The following KLHL5 variants were observed in gnomAD, a reference collection of about 807,000 sequenced individuals.
KLHL5 encodes kelch like family member 5.
A neutral mutation model predicts 77.7 loss-of-function variants in KLHL5; 48 were observed. That is an observed-to-expected ratio of 0.62 (90% CI 0.49 to 0.79). The LOEUF (loss-of-function observed/expected upper bound fraction) is 0.79. Among genes scored for constraint, KLHL5 ranks in the 30% least tolerant of loss-of-function variants. The pLI is 0.00. For missense variants in KLHL5, 723 were observed against 859.7 expected, an observed-to-expected ratio of 0.84 and a Z score of 1.99; for synonymous variants, 260 against 297.0, an observed-to-expected ratio of 0.88 and a Z score of 1.28.
In KLHL5 at chr4:39,101,126, T is replaced by TTATA. The variant is rs60405643; in HGVS notation, c.1301-2143_1301-2140dup. On this transcript the variant is annotated intron_variant, in intron 6 of 10. Coordinates refer to ENST00000504108, the MANE Select transcript of KLHL5 (RefSeq NM_015990.5). ...TTTGTTAATTTTGGATATTTGGATT[T>TTATA]TATATATATATATATATATATCTAC... Among the ~76,000 whole-genome samples, 202 of 134,846 alleles carry TTATA rather than the reference T, an allele frequency of 1.5e-3. 3 individuals are homozygous for TTATA. The highest frequency in any genetic ancestry group is 5.0e-3 in the African/African-American group (178 of 35,914). 88.5% of individuals were successfully genotyped at this position (134,846 alleles called of 152,430 possible). A position where few individuals can be genotyped will look rare whatever the true frequency, so the allele number is the denominator to read the frequency against.
At position 39,049,036 on chromosome 4, in the gene KLHL5, G is replaced by A. The variant is rs982223475; in HGVS notation, c.-95+3940G>A. Among the ~76,000 whole-genome samples, 120 of 152,144 alleles carry A rather than the reference G, an allele frequency of 7.9e-4. 1 individual carries two copies. Among genetic ancestry groups the A allele is most frequent in the Non-Finnish European group, 1.9e-4 (13 of 68,032 alleles). On this transcript the variant is annotated intron_variant, in intron 1 of 11. Transcript: ENST00000261425. Reference sequence around the variant, plus strand: ...GTCACTTGACTACACCCAACTTCAAGGAGATGGGGAAATGCATTTCTACCA... The same window carrying A: ...GTCACTTGACTACACCCAACTTCAAAGAGATGGGGAAATGCATTTCTACCA...
In KLHL5 at chr4:39,122,527, G is replaced by A. The variant is rs115235909; in HGVS notation, c.*1461G>A. ...AGGTAGAAAAAGAAAGATTTCGGCC[G>A]GGCACAGTGGCTCACGCCTATAATT... is the stretch of plus-strand genomic sequence containing the variant. On this transcript the variant is annotated 3_prime_UTR_variant, in exon 11 of 11. Coordinates refer to ENST00000504108, the MANE Select transcript of KLHL5 (RefSeq NM_015990.5). Among the ~76,000 whole-genome samples, 2,698 of 152,170 alleles carry A rather than the reference G, an allele frequency of 0.018. 75 individuals are homozygous for A. The highest frequency in any genetic ancestry group is 0.062 in the African/African-American group (2,561 of 41,504).
At chr4:39,113,950 GA>G (rs1430453811) in intron 9 of KLHL5, among the ~76,000 whole-genome samples, 7 of 152,110 alleles carry the variant, frequency 4.6e-5, no homozygotes, top group Admixed American at 3.9e-4. Context: ...GGAAGTTAAT[GA>G]GTGCCCATGT....
At chr4:39,090,841 T>A (rs1720472217) in intron 5 of KLHL5, among the ~76,000 whole-genome samples, 1 of 151,940 alleles carries the variant, frequency 6.6e-6, no homozygotes, top group African/African-American at 2.4e-5. Flanking sequence ...CTCACTCTAT[T>A]TCCCAGGCTG....
intron 5 of KLHL5, among the ~76,000 whole-genome samples, chr4:39,096,250 T>C (rs957344966): frequency 2.6e-5 from 4 of 152,242 alleles, no homozygotes; most frequent in Admixed American, 6.5e-5. Context: ...CTGGTAACTT[T>C]TGTTTTTGCA....
rs117815937 is a variant in KLHL5, at chr4:39,057,073, C to T, written c.-94-5486C>T. ...CTGTAAATCCTCACCTCAAAAACCT[C>T]AACTTCAACCAAATAAAGGACATAC... is the stretch of plus-strand genomic sequence containing the variant. On this transcript the variant is annotated intron_variant, in intron 1 of 11. Transcript: ENST00000261425. 2.6e-5 allele frequency among the ~76,000 whole-genome samples: 4 copies of T among 152,324 alleles called. No homozygotes were observed. The East Asian group carries it at 7.7e-4, about 29-fold the overall frequency.
At chr4:39,068,418 A>C (rs1301114421) in intron 1 of KLHL5, among the ~76,000 whole-genome samples, 2 of 147,874 alleles carry the variant, frequency 1.4e-5, no homozygotes, top group African/African-American at 5.0e-5. Flanking sequence ...TAAGCTATGT[A>C]ACCTCTCCCC....
In KLHL5 at chr4:39,045,065, G is replaced by A. The variant is rs769014368; in HGVS notation, c.-126G>A. 18 of 989,578 alleles carry A rather than the reference G, an allele frequency of 1.8e-5. No homozygotes were observed. In the South Asian group the frequency reaches 7.2e-4, roughly 39 times the overall value. 61.3% of individuals were successfully genotyped at this position (989,578 alleles called of 1,614,324 possible). ...TCCCGCCTGGCCGCCCCGGCCCGCCGTGACCCACGGCCGCCTCCGGAGCCC... is the reference window on the plus strand; with the variant it reads ...TCCCGCCTGGCCGCCCCGGCCCGCCATGACCCACGGCCGCCTCCGGAGCCC... On this transcript the variant is annotated 5_prime_UTR_variant, in exon 1 of 12. Coordinates refer to the KLHL5 transcript ENST00000261425.
chr4:39,062,187 T>G (rs146092139), upstream of KLHL5: 1 of 946,010 alleles, frequency 1.1e-6, no homozygotes, highest in Non-Finnish European at 1.3e-6. Flanking sequence ...CATTTATTGT[T>G]TCAGCAATGA....
downstream of KLHL5, among the ~76,000 whole-genome samples, chr4:39,130,320 A>G (rs146241638): frequency 8.2e-3 from 1,253 of 152,326 alleles, 22 homozygotes; most frequent in African/African-American, 0.028. Context: ...CAGCAGGAGC[A>G]AGTTCTTAAG....
At chr4:39,062,049 T>G (rs1717462981), upstream of KLHL5, among the ~76,000 whole-genome samples, 1 of 152,230 alleles carries the variant, frequency 6.6e-6, no homozygotes, top group Non-Finnish European at 1.5e-5. Flanking sequence ...CCATAACTCA[T>G]CTAATTTTAC....
At chr4:39,046,241 T>C (rs977311332) in intron 1 of KLHL5, among the ~76,000 whole-genome samples, 4 of 152,120 alleles carry the variant, frequency 2.6e-5, no homozygotes, top group Non-Finnish European at 5.9e-5. Flanking sequence ...CCAGAAACTA[T>C]ATATTTGAAG....
chr4:39,062,504 TAG>T lies in KLHL5; in HGVS notation c.-147_-146del. 1 of 1,597,624 alleles carries T rather than the reference TAG, an allele frequency of 6.3e-7. No homozygotes were observed. Among genetic ancestry groups the T allele is most frequent in the South Asian group, 1.1e-5 (1 of 89,614 alleles). Reference sequence around the variant, plus strand: ...TGATATATTGGCATAAAAGTAATTGTAGATATATATATGAATGTGATTTATTT... The same window carrying T: ...TGATATATTGGCATAAAAGTAATTGTATATATATATGAATGTGATTTATTT... On this transcript the variant is annotated 5_prime_UTR_variant, in exon 1 of 11. Transcript: ENST00000504108.
the KLHL5 span, among the ~76,000 whole-genome samples, chr4:39,137,937 T>A: frequency 6.6e-6 from 1 of 151,980 alleles, no homozygotes; most frequent in Non-Finnish European, 1.5e-5. Flanking sequence ...AGAGAAGACA[T>A]ACATGCACCA....
At chr4:39,108,024 AATAAT>A (rs1487811939) in intron 8 of KLHL5, among the ~76,000 whole-genome samples, 3 of 151,058 alleles carry the variant, frequency 2.0e-5, no homozygotes, top group Non-Finnish European at 4.4e-5. Context: ...TCTATATTAA[AATAAT>A]ATAATTTAAA....
At chr4:39,057,796 C>T (rs1717106512), upstream of KLHL5, among the ~76,000 whole-genome samples, 1 of 151,970 alleles carries the variant, frequency 6.6e-6, no homozygotes, top group African/African-American at 2.4e-5. Context: ...ATTGATGAGC[C>T]ATAAATACTG....
intron 5 of KLHL5, among the ~76,000 whole-genome samples, chr4:39,091,993 A>C (rs965851942): frequency 1.3e-5 from 2 of 151,706 alleles, no homozygotes; most frequent in African/African-American, 4.8e-5. Context: ...CCTCCAAAAC[A>C]TTTTTTTAAC....
chr4:39,086,793 C>T, intron 5 of KLHL5, 66 bp downstream of exon 5: 1 of 1,177,900 alleles, frequency 8.5e-7, no homozygotes, highest in Admixed American at 1.8e-5. Flanking sequence ...AATAATTGTA[C>T]ATGTATTCCT....
rs1717542171 is a variant in KLHL5, at chr4:39,062,725, G to C, written c.73G>C (p.Ala25Pro). Residue 25 changes from alanine to proline, a missense_variant, in exon 1 of 11, where the codon GCA (alanine) becomes CCA (proline). Physicochemically the swap from Ala to Pro is conservative, Grantham distance 27. Around this residue, in one of 3 missense-constraint regions of KLHL5, gnomAD observed 221 missense variants for 222.1 expected, o/e 1.00. Coordinates refer to ENST00000504108, the MANE Select transcript of KLHL5 (RefSeq NM_015990.5). ...KIRWRWFGHQ[A>P]SSPNSTVDSQ... ...CAGATGGAGGTGGTTTGGTCATCAA[G>C]CATCATCTCCTAATTCTACAGTTGA... The C allele has an allele frequency of 1.2e-6, 2 of 1,614,024 alleles. No individual in the cohort carries two copies. Among genetic ancestry groups the C allele is most frequent in the Admixed American group, 1.7e-5 (1 of 59,996 alleles).
Sources: allele counts gnomAD v4.1 joint callset (sites outside exome capture counted in the v4.1 genomes callset), GRCh38; gene constraint gnomAD v4.1.1; regional missense constraint gnomAD v4.1.1; transcripts MANE v1.5; gene names NCBI Gene and HGNC (gene_info 2026-07-23, HGNC 2026-07-21).